PVALEF: variants seen among roughly 807,000 people sequenced by gnomAD.
The protein encoded by PVALEF is parvalbumin like EF-hand containing.
A neutral mutation model predicts 1.2 loss-of-function variants in PVALEF; 2 were observed. That is an observed-to-expected ratio of 1.68 (90% confidence interval 0.69 to 5.28). The LOEUF (loss-of-function observed/expected upper bound fraction) is 5.28. Ranked by LOEUF, PVALEF falls within the 30% of genes most tolerant of loss-of-function variation. PVALEF has a pLI of 0.06. For synonymous variants in PVALEF, 16 were observed against 6.5 expected, an observed-to-expected ratio of 2.47 and a Z score of -2.24; for missense variants, 35 against 17.7, an observed-to-expected ratio of 1.97 and a Z score of -1.75.
intron 2 of PVALEF, among the ~76,000 whole-genome samples, chr17:81,169,369 G>GA (rs958768892): frequency 2.0e-5 from 3 of 152,156 alleles, no homozygotes; most frequent in African/African-American, 7.2e-5. Flanking sequence ...GGAGGCCAAG[G>GA]GGGGCGGACC....
chr17:81,166,573 G>T, intron 1 of PVALEF, 104 bp from the exon 2 acceptor site: 2 of 384,382 alleles, frequency 5.2e-6, no homozygotes, highest in Admixed American at 5.9e-5. Context: ...CGGGGTGGGG[G>T]AGGGGGTACT....
Position 81,178,982 on chromosome 17 carries a change from C to T in PVALEF, c.-275C>T, listed in dbSNP as rs772705346. The T allele has an allele frequency of 4.7e-5, 20 of 424,078 alleles. No individual in the cohort carries two copies. Among genetic ancestry groups the T allele is most frequent in the African/African-American group, 2.2e-4 (11 of 49,262 alleles). 26.3% of individuals were successfully genotyped at this position (424,078 alleles called of 1,614,324 possible). On this transcript the variant is annotated 5_prime_UTR_variant, in exon 3 of 7. Transcript: ENST00000637878. ...AGACCAGTGTGGACACACCAAGTGC[C>T]TGCGAGCCCCTGGGAGCTGCCCGTG...
chr17:81,170,059 TTGG>T (rs1388232778), intron 2 of PVALEF, among the ~76,000 whole-genome samples: 3 of 147,770 alleles, frequency 2.0e-5, no homozygotes, highest in Non-Finnish European at 3.0e-5. Flanking sequence ...TGCATGTGTG[TTGG>T]TGTGTATGTG....
chr17:81,179,561 C>A (rs1358584552), intron 3 of PVALEF, among the ~76,000 whole-genome samples: 6 of 152,140 alleles, frequency 3.9e-5, no homozygotes, highest in African/African-American at 1.4e-4. Flanking sequence ...GCTGGCAGGG[C>A]AGCGAGTCCA....
chr17:81,169,653 G>T (rs540297190), intron 2 of PVALEF, among the ~76,000 whole-genome samples: 1 of 152,160 alleles, frequency 6.6e-6, no homozygotes, highest in African/African-American at 2.4e-5. Context: ...TGCCTCTTCC[G>T]GCTACTGGTG....
At chr17:81,178,293 G>GC (rs2061542085) in intron 2 of PVALEF, among the ~76,000 whole-genome samples, 2 of 152,026 alleles carry the variant, frequency 1.3e-5, no homozygotes, top group Non-Finnish European at 2.9e-5. Flanking sequence ...AGAAAGCCAG[G>GC]CCCCCCCGAC....
chr17:81,166,632 C>G (rs146797445), intron 1 of PVALEF, 45 bp from the exon 2 acceptor site: 14 of 451,490 alleles, frequency 3.1e-5, no homozygotes, highest in South Asian at 2.2e-4. Context: ...CGGGAGCACA[C>G]CCAGGGCGGG....
At chr17:81,169,976 ATG>A (rs920582742) in intron 2 of PVALEF, among the ~76,000 whole-genome samples, 14 of 134,280 alleles carry the variant, frequency 1.0e-4, no homozygotes, top group African/African-American at 3.1e-4. Context: ...GTATGTGTAC[ATG>A]TGTGTGCATG....
chr17:81,166,510 G>GA (rs2061493809), intron 1 of PVALEF, among the ~76,000 whole-genome samples, 167 bp from the exon 2 acceptor site: 1 of 103,380 alleles, frequency 9.7e-6, no homozygotes, highest in Non-Finnish European at 2.2e-5. Context: ...TGGCGGGGGG[G>GA]GGGGAAACGG....
At chr17:81,181,356 CG>C (rs2061553441) in intron 4 of PVALEF, 24 bp downstream of exon 4, 2 of 632,588 alleles carry the variant, frequency 3.2e-6, no homozygotes, top group Non-Finnish European at 5.7e-6. Flanking sequence ...CCGCCCGGCG[CG>C]GCCCCCCGCC....
intron 2 of PVALEF, among the ~76,000 whole-genome samples, chr17:81,178,645 G>A (rs1359194309): frequency 1.3e-5 from 2 of 152,026 alleles, no homozygotes; most frequent in Non-Finnish European, 2.9e-5. Context: ...CCACTCACAT[G>A]TCTGGCCCTG....
In PVALEF at chr17:81,166,788, G is replaced by A. The variant is rs2146439157; in HGVS notation, c.-396G>A. On this transcript the variant is annotated 5_prime_UTR_variant, in exon 2 of 7. Coordinates refer to ENST00000637878, the MANE Select transcript of PVALEF (RefSeq NM_001354639.2). ...CACAGGCCTGCTCCTGTACCGTGCT[G>A]CGACAGCCATGAAGGAAGAACCTGG... 1 of 456,140 alleles carries A rather than the reference G, an allele frequency of 2.2e-6. No homozygotes were observed. Among genetic ancestry groups the A allele is most frequent in the East Asian group, 7.0e-5 (1 of 14,342 alleles). The allele number at this position is 456,140 out of a possible 1,614,324, so 28.3% of individuals were successfully genotyped here.
chr17:81,179,586 C>T lies in PVALEF; in HGVS notation c.-105+434C>T, dbSNP rs538067869. Among the ~76,000 whole-genome samples the T allele has an allele frequency of 4.6e-5, 7 of 152,148 alleles. No individual in the cohort carries two copies. In the South Asian group the frequency reaches 8.3e-4, roughly 18 times the overall value. On this transcript the variant is annotated intron_variant, in intron 3 of 6. Transcript: ENST00000637878. ...CAGCGAGTCCAAGGCCTCTGGCCCC[C>T]GGACTCCAGCAGGCACACAGAGCCG...
rs115463084 is a variant in PVALEF at position 81,175,178 on chromosome 17, C to G, written c.-339-3740C>G. The stretch of plus-strand genomic sequence containing the variant: ...GACAAAAACAATTCCATGTATAGTA[C>G]CATTGAAAAGAATAAAATACTTAGG... On this transcript the variant is annotated intron_variant, in intron 2 of 6. Coordinates refer to ENST00000637878, the MANE Select transcript of PVALEF (RefSeq NM_001354639.2). 8.7e-3 allele frequency among the ~76,000 whole-genome samples: 1,329 copies of G among 152,068 alleles called. 18 individuals are homozygous for G. Among genetic ancestry groups the G allele is most frequent in the African/African-American group, 0.031 (1,268 of 41,468 alleles).
intron 1 of PVALEF, chr17:81,166,100 G>C (rs1295425238): frequency 5.5e-5 from 34 of 618,470 alleles, no homozygotes; most frequent in South Asian, 2.7e-4. Context: ...GGTGCGGAGC[G>C]CGCCGGCCCC....
intron 2 of PVALEF, among the ~76,000 whole-genome samples, chr17:81,168,022 C>G (rs968235172): frequency 6.6e-6 from 1 of 152,174 alleles, no homozygotes; most frequent in African/African-American, 2.4e-5. Flanking sequence ...GGCATACCCT[C>G]ATGAGTCTCC....
At chr17:81,180,983 C>T (rs187368023) in intron 3 of PVALEF, 140 bp from the exon 4 acceptor site, 18 of 461,552 alleles carry the variant, frequency 3.9e-5, no homozygotes, top group South Asian at 2.3e-4. Flanking sequence ...TGCCGTGAGG[C>T]GCACAGGATG....
intron 2 of PVALEF, among the ~76,000 whole-genome samples, chr17:81,170,772 G>C (rs1325822092): frequency 6.6e-6 from 1 of 152,134 alleles, no homozygotes; most frequent in Non-Finnish European, 1.5e-5. Flanking sequence ...CCCCTGCCTG[G>C]CTGGGCCTCA....
At chr17:81,182,610 G>A (rs1229093888) in intron 6 of PVALEF, among the ~76,000 whole-genome samples, 3 of 152,198 alleles carry the variant, frequency 2.0e-5, no homozygotes, top group Non-Finnish European at 4.4e-5. Flanking sequence ...CAGCTGCTCC[G>A]TGCCTCAGTT....
Sources: gnomAD v4.1 joint callset for allele counts (sites outside exome capture counted in the v4.1 genomes callset) on GRCh38, gnomAD v4.1.1 for gene constraint, MANE v1.5 for transcripts, NCBI Gene and HGNC (gene_info 2026-07-23, HGNC 2026-07-21) for gene names.